PARP11: variants seen among roughly 807,000 people sequenced by gnomAD.
The protein encoded by PARP11 is protein mono-ADP-ribosyltransferase PARP11.
In PARP11, 31 loss-of-function variants were observed where a neutral mutation model predicts 42.9. That is an observed-to-expected ratio of 0.72 (90% CI 0.54 to 0.98). The LOEUF (loss-of-function observed/expected upper bound fraction) is 0.98. Among genes scored for constraint, PARP11 ranks in the 50% least tolerant of loss-of-function variants. The pLI is 0.00. For missense variants in PARP11, 365 were observed against 413.1 expected, an observed-to-expected ratio of 0.88 and a Z score of 1.01; for synonymous variants, 137 against 127.3, an observed-to-expected ratio of 1.08 and a Z score of -0.51.
intron 1 of PARP11, among the ~76,000 whole-genome samples, chr12:3,849,923 CAT>C (rs149342138): frequency 0.012 from 1,752 of 152,202 alleles, 24 homozygotes; most frequent in African/African-American, 0.039. Context: ...TAAATTATCA[CAT>C]GTCCTGAAAA....
chr12:3,812,916 C>T (rs989829132), intron 7 of PARP11, among the ~76,000 whole-genome samples: 1 of 152,158 alleles, frequency 6.6e-6, no homozygotes, highest in African/African-American at 2.4e-5. Flanking sequence ...GATTCTCCTC[C>T]CTCAGCCTCC....
intron 1 of PARP11, 88 bp from the exon 2 acceptor site, chr12:3,830,106 G>T: frequency 8.0e-7 from 1 of 1,245,282 alleles, no homozygotes; most frequent in Non-Finnish European, 1.1e-6. Context: ...TTTACAAAGA[G>T]TGGTATTCAA....
At chr12:3,843,411 G>T (rs1947933429) in intron 1 of PARP11, among the ~76,000 whole-genome samples, 1 of 152,164 alleles carries the variant, frequency 6.6e-6, no homozygotes, top group African/African-American at 2.4e-5. Context: ...TTTGTGAGAA[G>T]AAATGTTAAA....
At chr12:3,857,609 TA>T (rs1948216849) in intron 1 of PARP11, among the ~76,000 whole-genome samples, 1 of 151,200 alleles carries the variant, frequency 6.6e-6, no homozygotes, top group Non-Finnish European at 1.5e-5. Context: ...ATTCAAGGAG[TA>T]AATTTCTTAC....
chr12:3,830,233 TC>T (rs1947608420), intron 1 of PARP11, among the ~76,000 whole-genome samples: 2 of 152,184 alleles, frequency 1.3e-5, no homozygotes, highest in South Asian at 4.1e-4. Flanking sequence ...GTAATAATAA[TC>T]TTAGGTAGAA....
chr12:3,865,726 AT>A (rs1353401997), intron 1 of PARP11, among the ~76,000 whole-genome samples: 1 of 151,908 alleles, frequency 6.6e-6, no homozygotes, highest in Non-Finnish European at 1.5e-5. Context: ...TATTCTATTC[AT>A]GTCTTTATAT....
intron 1 of PARP11, among the ~76,000 whole-genome samples, chr12:3,851,518 G>A (rs566733084): frequency 1.5e-4 from 23 of 152,378 alleles, no homozygotes; most frequent in African/African-American, 5.5e-4. Context: ...TAGCGCAGCA[G>A]TCCGAGATCA....
chr12:3,841,716 A>G (rs182408089), intron 1 of PARP11: 78 of 1,612,906 alleles, frequency 4.8e-5, no homozygotes, highest in Admixed American at 6.7e-5. Context: ...ATCCATTCTT[A>G]GGCCCAGTTC....
At chr12:3,834,795 A>C (rs1042937201) in intron 1 of PARP11, among the ~76,000 whole-genome samples, 2 of 149,316 alleles carry the variant, frequency 1.3e-5, no homozygotes, top group Admixed American at 1.4e-4. Flanking sequence ...ATCAGAGAGG[A>C]GTCAGAAAGG....
At chr12:3,831,488 G>A (rs1241736645) in intron 1 of PARP11, among the ~76,000 whole-genome samples, 1 of 152,062 alleles carries the variant, frequency 6.6e-6, no homozygotes, top group Non-Finnish European at 1.5e-5. Flanking sequence ...CTAGGCCACA[G>A]TTGGCTCTTC....
At chr12:3,829,192 A>G (rs887431102) in intron 2 of PARP11, among the ~76,000 whole-genome samples, 162 bp from the exon 3 acceptor site, 1 of 152,218 alleles carries the variant, frequency 6.6e-6, no homozygotes, top group African/African-American at 2.4e-5. Flanking sequence ...CAACTAAGCC[A>G]GCATATTGAA....
chr12:3,822,367 G>C (rs1947414123), intron 4 of PARP11, among the ~76,000 whole-genome samples: 1 of 151,530 alleles, frequency 6.6e-6, no homozygotes, highest in Non-Finnish European at 1.5e-5. Context: ...GGGAGGCCGA[G>C]GCGAGCGGAT....
intron 1 of PARP11, chr12:3,841,214 C>T (rs1413366931): frequency 9.3e-6 from 14 of 1,499,752 alleles, no homozygotes; most frequent in African/African-American, 1.4e-5. Flanking sequence ...GCCATTGTAC[C>T]ACCTTCTTCA....
rs868210685 is a variant in PARP11, at chr12:3,839,318, G to C, written c.19-9300C>G. 52 of 1,526,066 alleles carry C rather than the reference G, an allele frequency of 3.4e-5. No individual in the cohort carries two copies. The Middle Eastern group carries it at 8.7e-4, about 26-fold the overall frequency. 94.5% of individuals were successfully genotyped at this position (1,526,066 alleles called of 1,614,324 possible). ...ACCAGCAACATGGAGGCGGCCGTCG[G>C]CGTCCCCGACGGCGAGGACCAGGGC... is the stretch of plus-strand genomic sequence containing the variant. On this transcript the variant is annotated intron_variant, in intron 1 of 7. Coordinates refer to ENST00000228820, the MANE Select transcript of PARP11 (RefSeq NM_020367.6).
rs1438987786 is a variant in PARP11 at position 3,809,413 on chromosome 12, C to T, written c.*2710G>A. On this transcript the variant is annotated 3_prime_UTR_variant, in exon 8 of 8. Transcript: ENST00000228820. ...ACAACAACAACAAGCCCCAAAAAAC[C>T]GGTATAGTACCTTCTTACAATGGCT... 1 of 152,148 alleles carries T rather than the reference C, an allele frequency of 6.6e-6. No individual in the cohort carries two copies. The highest frequency in any genetic ancestry group is 2.4e-5 in the African/African-American group (1 of 41,432). The allele number at this position is 152,148 out of a possible 1,614,324, so 9.4% of individuals were successfully genotyped here.
At chr12:3,841,546 T>C in intron 1 of PARP11, 1 of 1,602,656 alleles carries the variant, frequency 6.2e-7, no homozygotes, top group East Asian at 2.2e-5. Context: ...GACATTTTCT[T>C]CACCTCTGGT....
intron 1 of PARP11, chr12:3,872,409 G>T: frequency 2.5e-6 from 1 of 402,218 alleles, no homozygotes; most frequent in Non-Finnish European, 3.4e-6. Flanking sequence ...ACAATGGGTG[G>T]TGAGGAAAGG....
chr12:3,849,466 G>A (rs1040184818), intron 1 of PARP11, among the ~76,000 whole-genome samples: 36 of 152,054 alleles, frequency 2.4e-4, no homozygotes, highest in Admixed American at 1.0e-3. Context: ...ATGGATTATC[G>A]AGCTGTAAAA....
rs558953140 is a variant in PARP11, at chr12:3,869,293, G to A, written c.18+3919C>T. On this transcript the variant is annotated intron_variant, in intron 1 of 7. Coordinates refer to ENST00000228820, the MANE Select transcript of PARP11 (RefSeq NM_020367.6). ...GATATCTTTAGGAGGCCATTATTAC[G>A]TCTACCATATTTTCTAATACATAAA... Among the ~76,000 whole-genome samples, 18 of 152,242 alleles carry A rather than the reference G, an allele frequency of 1.2e-4. 1 individual carries two copies. In the South Asian group the frequency reaches 2.1e-3, roughly 18 times the overall value.
Sources: gnomAD v4.1 joint callset for allele counts (sites outside exome capture counted in the v4.1 genomes callset) on GRCh38, gnomAD v4.1.1 for gene constraint, MANE v1.5 for transcripts, NCBI Gene and HGNC (gene_info 2026-07-23, HGNC 2026-07-21) for gene names.